PCDHGA10: variants seen among roughly 807,000 people sequenced by gnomAD.
PCDHGA10 encodes the protein protocadherin gamma subfamily A, 10, also known as protocadherin gamma-A10.
A neutral mutation model predicts 59.5 loss-of-function variants in PCDHGA10; 42 were observed. The ratio of observed to expected loss-of-function variants is 0.71; its 90% CI spans 0.55 to 0.91. PCDHGA10 has a LOEUF of 0.91. Ranked by LOEUF, PCDHGA10 falls within the 40% of genes least tolerant of loss-of-function variation. The pLI is 0.00. For missense variants in PCDHGA10, 1,111 were observed against 1,198.2 expected (o/e 0.93, Z 1.07); for synonymous variants, 511 against 517.2 (o/e 0.99, Z 0.16).
intron 1 of PCDHGA10, among the ~76,000 whole-genome samples, chr5:141,467,680 T>A (rs75237059): frequency 6.6e-6 from 1 of 152,138 alleles, no homozygotes; most frequent in Non-Finnish European, 1.5e-5. Flanking sequence ...TTATTTTTTT[T>A]AGACAGGGTC....
rs749086929 is a variant in PCDHGA10, at chr5:141,485,998, T to A, written c.2437-8809T>A. ...CAGACCCGGACCTGGGTCCCAGTGG[T>A]AACGTCACCTTTTATTTCAGTGGTC... On this transcript the variant is annotated intron_variant, in intron 1 of 3. Transcript: ENST00000398610. The surrounding 1 kb of genome is among the most constrained non-coding windows in gnomAD (Gnocchi z 5.7). 2.4e-5 allele frequency: 38 copies of A among 1,614,068 alleles called. No individual in the cohort carries two copies. Among genetic ancestry groups the A allele is most frequent in the Non-Finnish European group, 3.1e-5 (37 of 1,180,046 alleles).
In PCDHGA10 at chr5:141,485,697, A is replaced by G. The variant is rs76923861; in HGVS notation, c.2437-9110A>G. 48,100 of 1,614,036 alleles carry G rather than the reference A, an allele frequency of 0.03. 1,433 individuals carry two copies. Among genetic ancestry groups the G allele is most frequent in the African/African-American group, 0.15 (11,542 of 75,006 alleles). The stretch of plus-strand genomic sequence containing the variant: ...ATTAGCAGCTATAGGCTGAGCTCCA[A>G]TGAACACTTTGCACTGGATGTGAAG... On this transcript the variant is annotated intron_variant, in intron 1 of 3. Transcript: ENST00000398610. The surrounding 1 kb of genome is among the most constrained non-coding windows in gnomAD (Gnocchi z 5.7).
At position 141,511,313 on chromosome 5, in the gene PCDHGA10, CAGAA is replaced by C; in HGVS notation, c.*142_*145del. The C allele has an allele frequency of 2.0e-6, 3 of 1,482,944 alleles. No homozygotes were observed. In the South Asian group the frequency reaches 4.1e-5, roughly 20 times the overall value. 91.9% of individuals were successfully genotyped at this position (1,482,944 alleles called of 1,614,324 possible). ...CCAAGGCCATGCTCCCCTTGGGAAA[CAGAA>C]ACAAGTGCCCAGTCAGCACCTACCC... On this transcript the variant is annotated 3_prime_UTR_variant, in exon 4 of 4. Transcript: ENST00000398610.
chr5:141,485,358 G>A lies in PCDHGA10; in HGVS notation c.2437-9449G>A, dbSNP rs372994272. The A allele has an allele frequency of 1.2e-6, 2 of 1,614,100 alleles. No homozygotes were observed. Among genetic ancestry groups the A allele is most frequent in the Admixed American group, 3.3e-5 (2 of 60,002 alleles). ...CTGGATACGGACAGTCTGTCAGCTC[G>A]CAGGCTGCAGGTCGCTGGAGAGGTG... is the stretch of plus-strand genomic sequence containing the variant. On this transcript the variant is annotated intron_variant, in intron 1 of 3. Transcript: ENST00000398610. This position sits in a 1 kb window ranked among gnomAD's most constrained non-coding sequence, Gnocchi z 5.7.
intron 1 of PCDHGA10, chr5:141,420,357 C>A: frequency 7.3e-7 from 1 of 1,376,278 alleles, no homozygotes; most frequent in East Asian, 2.6e-5. Flanking sequence ...TTTTAAGATT[C>A]TAGATAACTT....
chr5:141,474,847 GCCTTCT>G (rs906863967), intron 1 of PCDHGA10, among the ~76,000 whole-genome samples: 3 of 152,198 alleles, frequency 2.0e-5, no homozygotes, highest in African/African-American at 7.2e-5. Context: ...CACTTTACCT[GCCTTCT>G]TCATTTAATA....
chr5:141,435,372 T>C (rs2097759153), intron 1 of PCDHGA10, among the ~76,000 whole-genome samples: 1 of 152,216 alleles, frequency 6.6e-6, no homozygotes, highest in African/African-American at 2.4e-5. Context: ...CACTTAAATA[T>C]ACAATATACC....
intron 1 of PCDHGA10, chr5:141,423,628 AT>A (rs2096762361): frequency 6.2e-7 from 1 of 1,604,844 alleles, no homozygotes; most frequent in Admixed American, 1.7e-5. Flanking sequence ...CTCAGCTATC[AT>A]TTTAGGCAAA....
rs764729742 is a variant in PCDHGA10 at position 141,450,826 on chromosome 5, A to ATTT, written c.2436+35217_2436+35218insTTT. On this transcript the variant is annotated intron_variant, in intron 1 of 3. Coordinates refer to ENST00000398610, the MANE Select transcript of PCDHGA10 (RefSeq NM_018913.3). ...TATTTATTTATTTAATATTATTATT[A>ATTT]TTATTTTTTTTTTTTTGAGATGGGG... 5.5e-3 allele frequency among the ~76,000 whole-genome samples: 742 copies of ATTT among 134,318 alleles called. 10 individuals are homozygous for ATTT. The highest frequency in any genetic ancestry group is 0.013 in the Middle Eastern group (3 of 230). 88.1% of individuals were successfully genotyped at this position (134,318 alleles called of 152,430 possible).
In PCDHGA10 at chr5:141,413,867, T is replaced by TTG; in HGVS notation, c.694_695dup (p.Thr235Ter). On this transcript the variant is annotated frameshift_variant, in exon 1 of 4. Transcript: ENST00000398610. LOFTEE classifies it high-confidence loss of function. ...GACCCTCTCCGATCTGGCACTGTCCTTGTCAGTGTGACTGTCTTCGATGCA... is the reference window on the plus strand; with the variant it reads ...GACCCTCTCCGATCTGGCACTGTCCTTGTGTCAGTGTGACTGTCTTCGATGCA... 6.2e-7 allele frequency: 1 copy of TTG among 1,613,428 alleles called. No homozygotes were observed. Among genetic ancestry groups the TTG allele is most frequent in the Non-Finnish European group, 8.5e-7 (1 of 1,179,874 alleles).
intron 1 of PCDHGA10, chr5:141,421,419 A>T (rs778839137): frequency 1.2e-6 from 2 of 1,614,072 alleles, no homozygotes; most frequent in Non-Finnish European, 1.7e-6. Context: ...CGAAGCGCGG[A>T]GTCCGCATCG....
intron 1 of PCDHGA10, among the ~76,000 whole-genome samples, chr5:141,473,380 G>A (rs1363453338): frequency 6.6e-6 from 1 of 152,204 alleles, no homozygotes; most frequent in African/African-American, 2.4e-5. Context: ...CATGGTCCCT[G>A]CCCTCCTGGA....
rs778744503 is a variant in PCDHGA10, at chr5:141,511,152, G to A, written c.2790G>A (p.Ser930=). Residue 930 remains serine (S), a synonymous_variant, in exon 4 of 4, where the codon TCG becomes TCA. Transcript: ENST00000398610. The part of the protein sequence containing the change: ...PAGGNGNKKK[S]GKKEKK ...GTGGCAATGGCAACAAGAAGAAGTCGGGCAAGAAGGAGAAGAAGTAACATG... is the reference window on the plus strand; with the variant it reads ...GTGGCAATGGCAACAAGAAGAAGTCAGGCAAGAAGGAGAAGAAGTAACATG... The A allele has an allele frequency of 2.0e-5, 32 of 1,614,022 alleles. No individual in the cohort carries two copies. Among genetic ancestry groups the A allele is most frequent in the South Asian group, 4.4e-5 (4 of 91,090 alleles).
At chr5:141,451,776 G>C (rs1279891846) in intron 1 of PCDHGA10, among the ~76,000 whole-genome samples, 1 of 152,078 alleles carries the variant, frequency 6.6e-6, no homozygotes, top group Non-Finnish European at 1.5e-5. Flanking sequence ...AGCTACTCAG[G>C]AGGCTGAGGC....
rs2099699514 is a variant in PCDHGA10 at position 141,490,385 on chromosome 5, A to G, written c.2437-4422A>G. 1 of 1,614,190 alleles carries G rather than the reference A, an allele frequency of 6.2e-7. No individual in the cohort carries two copies. Among genetic ancestry groups the G allele is most frequent in the African/African-American group, 1.3e-5 (1 of 75,032 alleles). ...GTGCGAGACCGGGACTCAGGTAGAA[A>G]TGGTGAAGTGAGCCTTGATATCTCT... On this transcript the variant is annotated intron_variant, in intron 1 of 3. Coordinates refer to ENST00000398610, the MANE Select transcript of PCDHGA10 (RefSeq NM_018913.3). This position sits in a 1 kb window ranked among gnomAD's most constrained non-coding sequence, Gnocchi z 5.4.
Position 141,511,178 on chromosome 5 carries a change from G to A in PCDHGA10, c.*5G>A. The A allele has an allele frequency of 6.2e-7, 1 of 1,614,090 alleles. No homozygotes were observed. Among genetic ancestry groups the A allele is most frequent in the South Asian group, 1.1e-5 (1 of 91,074 alleles). On this transcript the variant is annotated 3_prime_UTR_variant, in exon 4 of 4. Coordinates refer to ENST00000398610, the MANE Select transcript of PCDHGA10 (RefSeq NM_018913.3). ...GGCAAGAAGGAGAAGAAGTAACATG[G>A]AGGCCAGGCCAAGAGCCACAGGGCG...
At chr5:141,422,871 G>C in intron 1 of PCDHGA10, 3 of 1,614,216 alleles carry the variant, frequency 1.9e-6, no homozygotes, top group South Asian at 1.1e-5. Flanking sequence ...GCAACGTGTC[G>C]CTGAGCCTGT....
chr5:141,428,007 A>G, intron 1 of PCDHGA10: 1 of 1,602,018 alleles, frequency 6.2e-7, no homozygotes, highest in Non-Finnish European at 8.5e-7. Flanking sequence ...ACTCTTCGAT[A>G]TAGTGCCACG....
chr5:141,478,322 C>A, intron 1 of PCDHGA10: 3 of 1,613,976 alleles, frequency 1.9e-6, no homozygotes, highest in Non-Finnish European at 2.5e-6. Context: ...CTCACTGTAC[C>A]GAACACCAGG....
Sources: gnomAD v4.1 joint callset for allele counts (sites outside exome capture counted in the v4.1 genomes callset) on GRCh38, gnomAD v4.1.1 for gene constraint, Gnocchi (gnomAD v3.1) non-coding constraint, MANE v1.5 for transcripts, NCBI Gene and HGNC (gene_info 2026-07-23, HGNC 2026-07-21) for gene names.